The following IARS1 variants were observed in gnomAD, a reference collection of about 807,000 sequenced individuals.
IARS1 encodes isoleucyl-tRNA synthetase 1.
A neutral mutation model predicts 168.2 loss-of-function variants in IARS1; 124 were observed. The observed-to-expected ratio is 0.74, with a 90% confidence interval of 0.64 to 0.86. The LOEUF is 0.86. IARS1 is among the 40% of genes least tolerant of loss of function. The pLI is 0.00. For synonymous variants in IARS1, 532 were observed against 529.4 expected (o/e 1.00, Z -0.07); for missense variants, 1,452 against 1,515.8 (o/e 0.96, Z 0.70).
intron 15 of IARS1, 146 bp from the exon 16 acceptor site, chr9:92,265,269 G>A (rs888923385): frequency 1.2e-6 from 1 of 834,960 alleles, no homozygotes; most frequent in Non-Finnish European, 1.8e-6. Context: ...GGCTTTCAGA[G>A]AGCACCATGA....
intron 30 of IARS1, among the ~76,000 whole-genome samples, chr9:92,232,500 G>T (rs1011081661): frequency 3.9e-5 from 6 of 152,194 alleles, no homozygotes; most frequent in Non-Finnish European, 5.9e-5. Flanking sequence ...AAGAGAAAAA[G>T]ACTAACTTTT....
chr9:92,228,944 A>G, intron 31 of IARS1, 57 bp downstream of exon 31: 3 of 1,600,762 alleles, frequency 1.9e-6, no homozygotes, highest in Non-Finnish European at 2.6e-6. Context: ...GCAAATTAAG[A>G]CCTTCACCAA....
intron 1 of IARS1, among the ~76,000 whole-genome samples, chr9:92,293,181 A>G (rs970584432): frequency 6.6e-6 from 1 of 152,222 alleles, no homozygotes; most frequent in South Asian, 2.1e-4. Flanking sequence ...CCACAGGTAT[A>G]CTCATGCAAA....
chr9:92,267,842 A>C (rs1179495561), intron 14 of IARS1, among the ~76,000 whole-genome samples: 2 of 152,204 alleles, frequency 1.3e-5, no homozygotes, highest in Admixed American at 1.3e-4. Context: ...TTTAACCATA[A>C]GCTAATAGTA....
Position 92,271,080 on chromosome 9 carries a change from T to C in IARS1, c.1114-4A>G, listed in dbSNP as rs1407713975. On this transcript the variant is annotated splice_polypyrimidine_tract_variant and splice_region_variant and intron_variant, in intron 11 of 33. Coordinates refer to ENST00000443024, the MANE Select transcript of IARS1 (RefSeq NM_002161.6). ...TGATGATACTTTTGTCAGCATCCTA[T>C]TAAAAAAAATTAAAATTTAGCCATT... 5 of 1,578,524 alleles carry C rather than the reference T, an allele frequency of 3.2e-6. No homozygotes were observed. Among genetic ancestry groups the C allele is most frequent in the Admixed American group, 1.8e-5 (1 of 55,372 alleles).
chr9:92,287,850 T>A lies in IARS1; in HGVS notation c.337A>T (p.Ile113Phe), dbSNP rs144963475. Residue 113 changes from isoleucine to phenylalanine, a missense_variant, in exon 4 of 34, where the codon ATT becomes TTT. By Grantham distance (21) the Ile-to-Phe change is conservative. Coordinates refer to ENST00000443024, the MANE Select transcript of IARS1 (RefSeq NM_002161.6). ...RGPEDVAKMGITEYNNQCRAI... is the reference protein window; with the variant it reads ...RGPEDVAKMGFTEYNNQCRAI... ...CGGCACTGATTGTTATACTCTGTAATCCCCATTTTGGCCACATCCTCTGGT... is the reference window on the plus strand; with the variant it reads ...CGGCACTGATTGTTATACTCTGTAAACCCCATTTTGGCCACATCCTCTGGT... 29 of 1,613,800 alleles carry A rather than the reference T, an allele frequency of 1.8e-5. No homozygotes were observed. The highest frequency in any genetic ancestry group is 1.5e-4 in the South Asian group (14 of 91,066).
chr9:92,291,205 G>A (rs1436498637), intron 1 of IARS1, among the ~76,000 whole-genome samples: 4 of 152,024 alleles, frequency 2.6e-5, no homozygotes, highest in Non-Finnish European at 5.9e-5. Flanking sequence ...TGGGTGACGA[G>A]CTTTCCAAGT....
chr9:92,239,126 T>G (rs117065830), intron 30 of IARS1, among the ~76,000 whole-genome samples: 2 of 152,312 alleles, frequency 1.3e-5, no homozygotes, highest in Non-Finnish European at 2.9e-5. Context: ...ACCCTCCATT[T>G]TGATTTTCCA....
At chr9:92,255,102 G>T (rs984113980) in intron 20 of IARS1, among the ~76,000 whole-genome samples, 1 of 152,116 alleles carries the variant, frequency 6.6e-6, no homozygotes, top group Non-Finnish European at 1.5e-5. Context: ...CCCTCGCCAG[G>T]GCAGCACTCA....
rs118140741 is a variant in IARS1 at position 92,232,203 on chromosome 9, T to C, written c.3284-3077A>G. ...TGTTTGTGTTATGTCTACTCAAAAA[T>C]AGCTCCCCACTGGTAATTTACAGCC... On this transcript the variant is annotated intron_variant, in intron 30 of 33. Transcript: ENST00000443024. Among the ~76,000 whole-genome samples the C allele has an allele frequency of 4.8e-4, 73 of 152,336 alleles. No homozygotes were observed. In the East Asian group the frequency reaches 9.4e-3, roughly 20 times the overall value.
intron 6 of IARS1, among the ~76,000 whole-genome samples, chr9:92,283,264 AAC>A (rs1834921097): frequency 6.6e-6 from 1 of 152,240 alleles, no homozygotes; most frequent in Admixed American, 6.5e-5. Flanking sequence ...CAAAATTGAG[AAC>A]ACTTTGCCTG....
chr9:92,274,539 C>A lies in IARS1; in HGVS notation c.895-18G>T, dbSNP rs1405208076. On this transcript the variant is annotated intron_variant, in intron 9 of 33. Coordinates refer to ENST00000443024, the MANE Select transcript of IARS1 (RefSeq NM_002161.6). ...TCTTTACACTGGAAAGAAAGGACAG[C>A]AGGCTTCAGGGATGAAACATTACTG... is the stretch of plus-strand genomic sequence containing the variant. 1 of 1,561,862 alleles carries A rather than the reference C, an allele frequency of 6.4e-7. No individual in the cohort carries two copies. The highest frequency in any genetic ancestry group is 8.8e-7 in the Non-Finnish European group (1 of 1,132,742).
chr9:92,273,143 A>C (rs1168313330), intron 10 of IARS1, among the ~76,000 whole-genome samples: 5 of 151,576 alleles, frequency 3.3e-5, no homozygotes, highest in South Asian at 2.1e-4. Flanking sequence ...AAAAAAAAAA[A>C]AAAAAACCCC....
At position 92,210,872 on chromosome 9, in the gene IARS1, G is replaced by A; in HGVS notation, c.3724C>T (p.Pro1242Ser). 6.2e-7 allele frequency: 1 copy of A among 1,606,652 alleles called. No homozygotes were observed. The highest frequency in any genetic ancestry group is 8.5e-7 in the Non-Finnish European group (1 of 1,173,246). The change falls in exon 34 of 34, where the codon CCC (proline) becomes TCC (serine). Residue 1242 changes from proline to serine, a missense_variant. By Grantham distance (74) the Pro-to-Ser change is moderately conservative. Transcript: ENST00000443024. ...GTCTTCATATTCAAAGTCTTCACGG[G>A]GATGTCTTCTGTAATTTCTAGAATG... ...TQTQEITEDI[P>S]VKTLNMKTVY...
chr9:92,226,659 G>T (rs1010709074), intron 31 of IARS1, among the ~76,000 whole-genome samples: 1 of 152,070 alleles, frequency 6.6e-6, no homozygotes, highest in Non-Finnish European at 1.5e-5. Context: ...ACCTGTAGGC[G>T]AATTCTTTTT....
At chr9:92,221,341 G>A (rs1468268031) in intron 33 of IARS1, among the ~76,000 whole-genome samples, 1 of 152,238 alleles carries the variant, frequency 6.6e-6, no homozygotes. Context: ...CACAAGTGCC[G>A]AAAGACACAA....
intron 30 of IARS1, 126 bp downstream of exon 30, chr9:92,240,726 TTATC>T: frequency 1.4e-6 from 1 of 721,996 alleles, no homozygotes; most frequent in East Asian, 2.7e-5. Flanking sequence ...GAAGAAAAAG[TTATC>T]TATTAAACAT....
chr9:92,280,801 T>TA lies in IARS1; in HGVS notation c.689dup (p.Pro231ThrfsTer2). On this transcript the variant is annotated frameshift_variant, in exon 7 of 34. Coordinates refer to ENST00000443024, the MANE Select transcript of IARS1 (RefSeq NM_002161.6). LOFTEE classifies it high-confidence loss of function. ...TAACACACACAGCAAGGTTACTAGG[T>TA]AGAGTCCAGGGAGTGGTTGTCCAAG... 1 of 1,612,594 alleles carries TA rather than the reference T, an allele frequency of 6.2e-7. No homozygotes were observed. Among genetic ancestry groups the TA allele is most frequent in the Admixed American group, 1.7e-5 (1 of 59,994 alleles).
intron 33 of IARS1, among the ~76,000 whole-genome samples, chr9:92,221,687 C>G (rs1007718532): frequency 1.3e-5 from 2 of 152,148 alleles, no homozygotes; most frequent in African/African-American, 4.8e-5. Flanking sequence ...CTGACACCAG[C>G]AAGTAAGTGC....
Sources: allele counts gnomAD v4.1 joint callset (sites outside exome capture counted in the v4.1 genomes callset), GRCh38; gene constraint gnomAD v4.1.1; transcripts MANE v1.5; gene names NCBI Gene and HGNC (gene_info 2026-07-23, HGNC 2026-07-21).